DCC: variants seen among roughly 807,000 people sequenced by gnomAD.
The protein encoded by DCC is netrin receptor DCC.
DCC carries 58 observed loss-of-function variants against 172.5 expected under a neutral mutation model. The ratio of observed to expected loss-of-function variants is 0.34; its 90% CI spans 0.27 to 0.42. DCC has a LOEUF of 0.42. Ranked by LOEUF, DCC falls within the 10% of genes least tolerant of loss-of-function variation. The probability of loss-of-function intolerance (pLI) is 1.00; values close to 1 mark genes in which losing one functional copy is unlikely to be tolerated. For synonymous variants in DCC, 709 were observed against 644.5 expected (o/e 1.10, Z -1.52); for missense variants, 1,740 against 1,791.0 (o/e 0.97, Z 0.51).
At chr18:52,692,091 G>C (rs17756021) in intron 1 of DCC, among the ~76,000 whole-genome samples, 3,377 of 152,224 alleles carry the variant, frequency 0.022, 66 homozygotes, top group East Asian at 0.093. Flanking sequence ...AGCTTGTGGG[G>C]ATTGATAATA....
intron 12 of DCC, among the ~76,000 whole-genome samples, chr18:53,255,135 TGG>T (rs1226741422): frequency 1.3e-5 from 2 of 152,068 alleles, no homozygotes; most frequent in Non-Finnish European, 2.9e-5. Context: ...TCTAGCTTCC[TGG>T]GTATTCCTAT....
intron 5 of DCC, among the ~76,000 whole-genome samples, chr18:52,974,119 GTTTTAT>G (rs1319594979): frequency 4.6e-5 from 7 of 152,058 alleles, no homozygotes; most frequent in Admixed American, 3.9e-4. Flanking sequence ...TATAATATTG[GTTTTAT>G]TTTTATGATA....
intron 7 of DCC, among the ~76,000 whole-genome samples, chr18:53,156,188 A>T (rs968726971): frequency 8.5e-5 from 13 of 152,172 alleles, no homozygotes; most frequent in Non-Finnish European, 1.6e-4. Flanking sequence ...TGAATATTTT[A>T]AAGAATCACC....
chr18:53,483,544 A>T (rs946613077), intron 25 of DCC, among the ~76,000 whole-genome samples: 4 of 151,900 alleles, frequency 2.6e-5, no homozygotes, highest in Non-Finnish European at 5.9e-5. Context: ...ATAGAAGTTA[A>T]CACCACTCAT....
intron 5 of DCC, among the ~76,000 whole-genome samples, chr18:52,937,749 G>A (rs2040401973): frequency 6.6e-6 from 1 of 152,056 alleles, no homozygotes; most frequent in Admixed American, 6.6e-5. Context: ...ACAAAGTGCT[G>A]GGATTACAGG....
At chr18:52,355,751 C>A (rs1984335262) in intron 1 of DCC, among the ~76,000 whole-genome samples, 1 of 151,866 alleles carries the variant, frequency 6.6e-6, no homozygotes, top group Non-Finnish European at 1.5e-5. Context: ...AAAAAGGTGA[C>A]CAGAGTCACA....
intron 2 of DCC, among the ~76,000 whole-genome samples, chr18:52,794,720 G>T (rs1480684950): frequency 6.6e-6 from 1 of 152,062 alleles, no homozygotes; most frequent in East Asian, 1.9e-4. Context: ...GTTGTTAAAG[G>T]AAAGGCTTTC....
chr18:52,592,719 C>T (rs1598939307), intron 1 of DCC, among the ~76,000 whole-genome samples: 1 of 152,148 alleles, frequency 6.6e-6, no homozygotes, highest in African/African-American at 2.4e-5. Flanking sequence ...TTGTAACGTC[C>T]GCCTCCTGGA....
At chr18:52,836,688 G>T (rs1336315294) in intron 2 of DCC, among the ~76,000 whole-genome samples, 4 of 152,204 alleles carry the variant, frequency 2.6e-5, no homozygotes, top group African/African-American at 9.6e-5. Flanking sequence ...GCAGGGCACA[G>T]CCCCCTCCTG....
chr18:53,148,711 A>G (rs1055614070), intron 7 of DCC, among the ~76,000 whole-genome samples: 1 of 152,178 alleles, frequency 6.6e-6, no homozygotes, highest in Non-Finnish European at 1.5e-5. Flanking sequence ...TTTTTTAAAA[A>G]GAAAATGAAT....
chr18:52,643,547 A>G (rs909210637), intron 1 of DCC, among the ~76,000 whole-genome samples: 12 of 152,242 alleles, frequency 7.9e-5, no homozygotes, highest in African/African-American at 2.9e-4. Flanking sequence ...CTCATCAGCT[A>G]ATTATGGTCC....
At chr18:52,965,573 A>G (rs1339203337) in intron 5 of DCC, among the ~76,000 whole-genome samples, 1 of 152,186 alleles carries the variant, frequency 6.6e-6, no homozygotes, top group Admixed American at 6.5e-5. Flanking sequence ...AAGTAATAAT[A>G]ATTTTTGTGT....
Position 53,533,231 on chromosome 18 carries a change from G to A in DCC, c.*2578G>A, listed in dbSNP as rs1370795151. The A allele has an allele frequency of 6.6e-6, 1 of 152,076 alleles. No homozygotes were observed. Among genetic ancestry groups the A allele is most frequent in the Admixed American group, 6.5e-5 (1 of 15,270 alleles). The allele number at this position is 152,076 out of a possible 1,614,324, so 9.4% of individuals were successfully genotyped here. On this transcript the variant is annotated 3_prime_UTR_variant, in exon 29 of 29. Coordinates refer to ENST00000442544, the MANE Select transcript of DCC (RefSeq NM_005215.4). ...TAATTTCCCAGTCTCCTGATCTCTT[G>A]ACAAGAAGAAACCTGTGAATACTGC...
At chr18:53,145,105 CTTTTTTTTTTT>C (rs57501246) in intron 7 of DCC, among the ~76,000 whole-genome samples, 1 of 36,908 alleles carries the variant, frequency 2.7e-5, no homozygotes, top group Non-Finnish European at 4.4e-5. Context: ...GAGGGCTCTG[CTTTTTTTTTTT>C]TTTTTTTTTT....
At chr18:53,219,907 T>G (rs897695656) in intron 12 of DCC, among the ~76,000 whole-genome samples, 1 of 152,178 alleles carries the variant, frequency 6.6e-6, no homozygotes, top group Non-Finnish European at 1.5e-5. Context: ...TGTGTTTGTG[T>G]GTAACAAGAC....
rs1568192103 is a variant in DCC, at chr18:52,927,126, C to CACGTATATACGTGTATATAT, written c.985+1757_985+1776dup. On this transcript the variant is annotated intron_variant, in intron 5 of 28. Transcript: ENST00000442544. Reference sequence around the variant, plus strand: ...ATATACACGTATATACGTGTATATACACGTATATACGTGTATATATGTGTA... The same window carrying CACGTATATACGTGTATATAT: ...ATATACACGTATATACGTGTATATACACGTATATACGTGTATATATACGTATATACGTGTATATATGTGTA... Among the ~76,000 whole-genome samples, 24 of 76,542 alleles carry CACGTATATACGTGTATATAT rather than the reference C, an allele frequency of 3.1e-4. 1 individual carries two copies. Among genetic ancestry groups the CACGTATATACGTGTATATAT allele is most frequent in the Non-Finnish European group, 4.7e-4 (17 of 35,846 alleles). 50.2% of individuals were successfully genotyped at this position (76,542 alleles called of 152,430 possible).
At chr18:52,415,606 A>G (rs943972103) in intron 1 of DCC, among the ~76,000 whole-genome samples, 1 of 152,164 alleles carries the variant, frequency 6.6e-6, no homozygotes, top group Non-Finnish European at 1.5e-5. Context: ...CTGAGAGAGC[A>G]CAGAGGGAGA....
chr18:52,688,829 C>T (rs943295061), intron 1 of DCC, among the ~76,000 whole-genome samples: 2 of 151,982 alleles, frequency 1.3e-5, no homozygotes, highest in South Asian at 2.1e-4. Context: ...AACAGTAGCT[C>T]TTTTTTGTAG....
At chr18:53,299,117 A>G (rs1317376699) in intron 12 of DCC, among the ~76,000 whole-genome samples, 1 of 152,308 alleles carries the variant, frequency 6.6e-6, no homozygotes, top group Non-Finnish European at 1.5e-5. Context: ...AGTAAAGAAT[A>G]TGTCCACACA....
Sources: gnomAD v4.1 joint callset for allele counts (sites outside exome capture counted in the v4.1 genomes callset) on GRCh38, gnomAD v4.1.1 for gene constraint, MANE v1.5 for transcripts, NCBI Gene and HGNC (gene_info 2026-07-23, HGNC 2026-07-21) for gene names.